The following FSIP2 variants were observed in gnomAD, a reference collection of about 807,000 sequenced individuals.
FSIP2 encodes the protein fibrous sheath-interacting protein 2.
In FSIP2, 367 loss-of-function variants were observed where a neutral mutation model predicts 510.5. That is an observed-to-expected ratio of 0.72 (90% confidence interval 0.66 to 0.78). FSIP2 has a LOEUF of 0.78. Among genes scored for constraint, FSIP2 ranks in the 30% least tolerant of loss-of-function variants. FSIP2 has a pLI of 0.00. For synonymous variants in FSIP2, 2,601 were observed against 2,732.2 expected (o/e 0.95, Z 1.50); for missense variants, 7,594 against 7,901.7 (o/e 0.96, Z 1.48).
chr2:185,807,663 C>A lies in FSIP2; in HGVS notation c.18357C>A (p.Asp6119Glu). The A allele has an allele frequency of 6.2e-7, 1 of 1,612,842 alleles. No homozygotes were observed. Among genetic ancestry groups the A allele is most frequent in the East Asian group, 2.2e-5 (1 of 44,794 alleles). The change falls in exon 17 of 23, where the codon GAC becomes GAA. Residue 6119 changes from aspartate (D) to glutamate (E), a missense_variant. Asp to Glu is a conservative substitution (Grantham distance 45, BLOSUM62 2). Coordinates refer to ENST00000424728, the MANE Select transcript of FSIP2 (RefSeq NM_173651.4). ...AAATCCTTTCAGAAAACATAGTTGA[C>A]TTGGTTCTACGAGAAGTGGCTAGCA... ...GCKILSENIV[D>E]LVLREVASNQ...
At chr2:185,759,061 G>A (rs908906185) in intron 9 of FSIP2, among the ~76,000 whole-genome samples, 11 of 150,998 alleles carry the variant, frequency 7.3e-5, no homozygotes, top group African/African-American at 2.7e-4. Context: ...AGGACCTCCA[G>A]TACAATGTTG....
Position 185,792,907 on chromosome 2 carries a change from T to C in FSIP2, c.5771T>C (p.Ile1924Thr), listed in dbSNP as rs1467588062. ...CTAGCTGAAGATATTGTACAGGCAA[T>C]ATTAACAAATTTAGAAACTTTTGCT... Reference protein sequence around the residue: ...VNLAEDIVQAILTNLETFATS... With the variant: ...VNLAEDIVQATLTNLETFATS... Residue 1924 changes from isoleucine to threonine, a missense_variant, in exon 16 of 23, where the codon ATA becomes ACA. By Grantham distance (89) the Ile-to-Thr change is moderately conservative. Transcript: ENST00000424728. 13 of 1,534,048 alleles carry C rather than the reference T, an allele frequency of 8.5e-6. No homozygotes were observed. In the South Asian group the frequency reaches 1.2e-4, roughly 14 times the overall value.
chr2:185,789,982 C>A lies in FSIP2; in HGVS notation c.2846C>A (p.Pro949Gln), dbSNP rs1021688576. Reference protein sequence around the residue: ...EDILFQLHQEPVNESFQKSRQ... With the variant: ...EDILFQLHQEQVNESFQKSRQ... ...ATCCTTTTTCAGCTCCATCAGGAAC[C>A]AGTAAATGAAAGTTTTCAAAAAAGT... The change falls in exon 16 of 23, where the codon CCA becomes CAA. Residue 949 changes from proline to glutamine, a missense_variant. By Grantham distance (76) the Pro-to-Gln change is moderately conservative (BLOSUM62 -1). Transcript: ENST00000424728. 10 of 1,533,930 alleles carry A rather than the reference C, an allele frequency of 6.5e-6. No individual in the cohort carries two copies. The highest frequency in any genetic ancestry group is 8.7e-6 in the Non-Finnish European group (10 of 1,145,584).
rs1691958605 is a variant in FSIP2, at chr2:185,743,236, A to G, written c.329A>G (p.Lys110Arg). ...LHDPHLKAYYKRKDILKRLKK... is the reference protein window; with the variant it reads ...LHDPHLKAYYRRKDILKRLKK... ...GATCCACATTTAAAAGCATACTATA[A>G]GCGCAAAGATATTTTGAAGAGATTA... Residue 110 changes from lysine to arginine, a missense_variant, in exon 3 of 23, where the codon AAG becomes AGG. Coordinates refer to ENST00000424728, the MANE Select transcript of FSIP2 (RefSeq NM_173651.4). 1 of 1,524,712 alleles carries G rather than the reference A, an allele frequency of 6.6e-7. No homozygotes were observed. Among genetic ancestry groups the G allele is most frequent in the Non-Finnish European group, 8.8e-7 (1 of 1,142,780 alleles). The allele number at this position is 1,524,712 out of a possible 1,614,324, so 94.4% of individuals were successfully genotyped here.
Position 185,806,732 on chromosome 2 carries a change from A to C in FSIP2, c.17426A>C (p.Gln5809Pro). Residue 5809 changes from glutamine (Q) to proline (P), a missense_variant, in exon 17 of 23, where the codon CAA becomes CCA. Gln to Pro is a moderately conservative substitution (Grantham distance 76). Transcript: ENST00000424728. ...IFSSIPETQIQDRCQNVSDKQ... is the reference protein window; with the variant it reads ...IFSSIPETQIPDRCQNVSDKQ... The stretch of plus-strand genomic sequence containing the variant: ...TCTTCTATACCAGAAACACAAATAC[A>C]AGATAGATGTCAAAATGTTAGTGAT... The C allele has an allele frequency of 3.7e-6, 6 of 1,610,896 alleles. No homozygotes were observed. The highest frequency in any genetic ancestry group is 5.1e-6 in the Non-Finnish European group (6 of 1,178,414).
At chr2:185,782,812 A>T in intron 14 of FSIP2, 50 bp downstream of exon 14, 1 of 934,410 alleles carries the variant, frequency 1.1e-6, no homozygotes, top group East Asian at 2.6e-5. Flanking sequence ...TAATGATTAC[A>T]TAAGAGTGCT....
At chr2:185,756,303 CACTAGAT>C in intron 9 of FSIP2, 25 bp downstream of exon 9, 1 of 857,128 alleles carries the variant, frequency 1.2e-6, no homozygotes, top group South Asian at 2.1e-5. Context: ...TGACAAGAAA[CACTAGAT>C]ACTAAACAAT....
chr2:185,754,389 G>GA (rs964453549), intron 8 of FSIP2, among the ~76,000 whole-genome samples: 1 of 151,354 alleles, frequency 6.6e-6, no homozygotes, highest in African/African-American at 2.4e-5. Context: ...CAAAAATGTA[G>GA]ACTTGTTTTA....
chr2:185,823,036 C>T lies in FSIP2; in HGVS notation c.20427-1398C>T, dbSNP rs188998688. Among the ~76,000 whole-genome samples, 52 of 151,884 alleles carry T rather than the reference C, an allele frequency of 3.4e-4. 1 individual carries two copies. Among genetic ancestry groups the T allele is most frequent in the Admixed American group, 9.2e-4 (14 of 15,234 alleles). The stretch of plus-strand genomic sequence containing the variant: ...AAACAAAAATGAAGGTGAACCCTTA[C>T]CTTACACCATATACAAAAATTAACT... On this transcript the variant is annotated intron_variant, in intron 19 of 22. Transcript: ENST00000424728.
At chr2:185,766,148 C>T (rs1212039040) in intron 13 of FSIP2, 25 of 151,926 alleles carry the variant, frequency 1.6e-4, no homozygotes, top group Non-Finnish European at 3.7e-4. Flanking sequence ...CTTCCTTACA[C>T]CTTATACAAA....
chr2:185,779,937 T>C (rs1180092296), intron 13 of FSIP2, among the ~76,000 whole-genome samples: 1 of 151,798 alleles, frequency 6.6e-6, no homozygotes, highest in East Asian at 1.9e-4. Context: ...GTTTTTTTTT[T>C]TTTCTTAGCA....
Position 185,807,986 on chromosome 2 carries a change from G to C in FSIP2, c.18680G>C (p.Ser6227Thr), listed in dbSNP as rs1192296368. ...LNSVQEFISKSKIKLVPPTKE... is the reference protein window; with the variant it reads ...LNSVQEFISKTKIKLVPPTKE... ...TCAGTCCAAGAATTTATCTCCAAAA[G>C]TAAGATTAAACTTGTACCACCCACC... Residue 6227 changes from serine (S) to threonine (T), a missense_variant, in exon 17 of 23, where the codon AGT becomes ACT. Physicochemically the swap from Ser to Thr is moderately conservative, Grantham distance 58. Transcript: ENST00000424728. 2 of 1,610,788 alleles carry C rather than the reference G, an allele frequency of 1.2e-6. No homozygotes were observed. Among genetic ancestry groups the C allele is most frequent in the Non-Finnish European group, 1.7e-6 (2 of 1,178,178 alleles).
In FSIP2 at chr2:185,801,516, C is replaced by A. The variant is rs530482493; in HGVS notation, c.12210C>A (p.Tyr4070Ter). ...TGGCCTGTGGTAATAATCCGGTATA[C>A]GACAATGCCTCAATAGCAGAACAAA... ...LKVACGNNPV[Y>*]DNASIAEQIT... The change falls in exon 17 of 23, where the codon TAC becomes TAA. Residue 4070 changes from tyrosine to a stop codon, truncating the protein, a stop_gained. Transcript: ENST00000424728. LOFTEE classifies it high-confidence loss of function. The A allele has an allele frequency of 6.5e-7, 1 of 1,532,920 alleles. No individual in the cohort carries two copies. The highest frequency in any genetic ancestry group is 8.7e-7 in the Non-Finnish European group (1 of 1,144,534). 95.0% of individuals were successfully genotyped at this position (1,532,920 alleles called of 1,614,324 possible).
rs1693424924 is a variant in FSIP2, at chr2:185,801,101, A to G, written c.11795A>G (p.Lys3932Arg). The stretch of plus-strand genomic sequence containing the variant: ...TCCAAAATACAAGCACCATTTAACA[A>G]GCATTGTGCAGTAAAATCCTCTTCT... The part of the protein sequence containing the change: ...VSSKIQAPFN[K>R]HCAVKSSSVS... The change falls in exon 17 of 23, where the codon AAG becomes AGG. Residue 3932 changes from lysine to arginine, a missense_variant. Physicochemically the swap from Lys to Arg is conservative, Grantham distance 26. Transcript: ENST00000424728. 9 of 1,532,136 alleles carry G rather than the reference A, an allele frequency of 5.9e-6. No homozygotes were observed. Among genetic ancestry groups the G allele is most frequent in the Non-Finnish European group, 7.0e-6 (8 of 1,144,882 alleles). The allele number at this position is 1,532,136 out of a possible 1,614,324, so 94.9% of individuals were successfully genotyped here.
intron 14 of FSIP2, among the ~76,000 whole-genome samples, chr2:185,783,431 C>A (rs185810431): frequency 6.6e-6 from 1 of 152,194 alleles, no homozygotes; most frequent in East Asian, 1.9e-4. Context: ...TAAAAATGAA[C>A]AAGCCAAATG....
At chr2:185,761,177 T>A in intron 10 of FSIP2, 74 bp downstream of exon 10, 1 of 579,320 alleles carries the variant, frequency 1.7e-6, no homozygotes, top group Non-Finnish European at 2.9e-6. Context: ...CTATGAACTC[T>A]CTCCTTCAGC....
intron 13 of FSIP2, among the ~76,000 whole-genome samples, chr2:185,771,095 G>C (rs990648184): frequency 6.6e-6 from 1 of 152,190 alleles, no homozygotes; most frequent in African/African-American, 2.4e-5. Flanking sequence ...CCCCACCACT[G>C]TGGCTTTTCA....
At chr2:185,737,683 T>C (rs1691812330), upstream of FSIP2, among the ~76,000 whole-genome samples, 1 of 152,088 alleles carries the variant, frequency 6.6e-6, no homozygotes, top group African/African-American at 2.4e-5. Context: ...AAGCCTTTGT[T>C]TTTTTTTCCT....
Position 185,789,501 on chromosome 2 carries a change from A to C in FSIP2, c.2365A>C (p.Ser789Arg). The C allele has an allele frequency of 6.5e-7, 1 of 1,534,682 alleles. No homozygotes were observed. Among genetic ancestry groups the C allele is most frequent in the Non-Finnish European group, 8.7e-7 (1 of 1,145,900 alleles). ...SQDLSVDIKP[S>R]LAASDELLTS... ...AGATTTGTCAGTCGACATTAAACCA[A>C]GTTTAGCAGCCAGTGATGAACTTCT... The change falls in exon 16 of 23, where the codon AGT becomes CGT. Residue 789 changes from serine to arginine, a missense_variant. Coordinates refer to ENST00000424728, the MANE Select transcript of FSIP2 (RefSeq NM_173651.4).
Sources: gnomAD v4.1 joint callset for allele counts (sites outside exome capture counted in the v4.1 genomes callset) on GRCh38, gnomAD v4.1.1 for gene constraint, MANE v1.5 for transcripts, NCBI Gene and HGNC (gene_info 2026-07-23, HGNC 2026-07-21) for gene names.